HLCS: variants seen among roughly 807,000 people sequenced by gnomAD.
HLCS encodes the protein holocarboxylase synthetase, also known as biotin--protein ligase.
Under a neutral mutation model 75.0 loss-of-function variants are expected in HLCS, and 53 were observed. The ratio of observed to expected loss-of-function variants is 0.71; its 90% CI spans 0.57 to 0.89. The LOEUF is 0.89. HLCS is among the 40% of genes least tolerant of loss of function. HLCS has a pLI of 0.00. For synonymous variants in HLCS, 431 were observed against 428.6 expected (o/e 1.01, Z -0.07); for missense variants, 966 against 1,074.0 (o/e 0.90, Z 1.41).
chr21:36,779,921 C>T (rs544973727), intron 6 of HLCS, among the ~76,000 whole-genome samples: 1 of 152,094 alleles, frequency 6.6e-6, no homozygotes, highest in Non-Finnish European at 1.5e-5. Flanking sequence ...TTCCTTCTAC[C>T]TAGGTCTCCC....
At chr21:36,971,932 C>T (rs759757154) in intron 1 of HLCS, 1 of 151,754 alleles carries the variant, frequency 6.6e-6, no homozygotes, top group Non-Finnish European at 1.5e-5. Flanking sequence ...TGCTGAGTCT[C>T]GTTATTTGGT....
intron 6 of HLCS, among the ~76,000 whole-genome samples, chr21:36,819,990 A>G (rs917148483): frequency 1.3e-5 from 2 of 152,216 alleles, no homozygotes; most frequent in Admixed American, 6.5e-5. Context: ...GATAAAGTGC[A>G]CTCACAGGGC....
intron 6 of HLCS, among the ~76,000 whole-genome samples, chr21:36,874,809 C>T (rs2063904607): frequency 6.6e-6 from 1 of 152,004 alleles, no homozygotes; most frequent in African/African-American, 2.4e-5. Context: ...CCCCATGCTC[C>T]CAGGTGCAGC....
intron 6 of HLCS, among the ~76,000 whole-genome samples, chr21:36,783,896 A>G (rs1418564278): frequency 6.6e-6 from 1 of 152,168 alleles, no homozygotes; most frequent in African/African-American, 2.4e-5. Context: ...CAGGCTTCCA[A>G]CAGTGAGCAC....
At chr21:36,986,298 G>A (rs1330970619) in intron 1 of HLCS, among the ~76,000 whole-genome samples, 1 of 152,182 alleles carries the variant, frequency 6.6e-6, no homozygotes, top group East Asian at 1.9e-4. Context: ...ATACATTTCT[G>A]TTCATTATAA....
At chr21:36,851,601 A>G (rs979955406) in intron 6 of HLCS, among the ~76,000 whole-genome samples, 1 of 152,186 alleles carries the variant, frequency 6.6e-6, no homozygotes, top group South Asian at 2.1e-4. Context: ...AAAAAACCTA[A>G]TATTTGCTAG....
intron 5 of HLCS, among the ~76,000 whole-genome samples, chr21:36,927,695 T>C (rs1026405405): frequency 2.6e-5 from 4 of 152,218 alleles, no homozygotes; most frequent in Non-Finnish European, 5.9e-5. Context: ...AATGGAAAAC[T>C]ATAAAATTAT....
At chr21:36,960,259 G>A (rs2068221487) in intron 2 of HLCS, among the ~76,000 whole-genome samples, 1 of 151,906 alleles carries the variant, frequency 6.6e-6, no homozygotes, top group Admixed American at 6.6e-5. Context: ...AGGCCAAGTG[G>A]GTGGAATAAG....
At chr21:36,903,077 A>T (rs201610860) in intron 5 of HLCS, among the ~76,000 whole-genome samples, 1 of 152,202 alleles carries the variant, frequency 6.6e-6, no homozygotes, top group East Asian at 1.9e-4. Flanking sequence ...ATGCAAAATA[A>T]GGGGTGATCC....
chr21:36,790,683 G>A (rs559316899), intron 6 of HLCS, among the ~76,000 whole-genome samples: 1 of 152,258 alleles, frequency 6.6e-6, no homozygotes, highest in Admixed American at 6.5e-5. Flanking sequence ...AAACGCAAAC[G>A]GACGCAGGAA....
intron 6 of HLCS, among the ~76,000 whole-genome samples, chr21:36,856,253 T>G (rs549307569): frequency 2.0e-5 from 3 of 152,354 alleles, no homozygotes; most frequent in Admixed American, 6.5e-5. Flanking sequence ...TCAAAAAGCT[T>G]TTTTAAAGTA....
intron 5 of HLCS, among the ~76,000 whole-genome samples, chr21:36,922,685 G>C (rs1306032632): frequency 6.6e-6 from 1 of 152,112 alleles, no homozygotes; most frequent in Non-Finnish European, 1.5e-5. Flanking sequence ...AGCATCGGCC[G>C]AGCTCCAGCA....
intron 6 of HLCS, among the ~76,000 whole-genome samples, chr21:36,840,774 G>C (rs370652405): frequency 1.0e-3 from 158 of 152,066 alleles, no homozygotes; most frequent in Middle Eastern, 6.8e-3. Context: ...CACCACGCCT[G>C]GCTAATTTTT....
At chr21:36,895,354 A>G (rs2064970217) in intron 6 of HLCS, among the ~76,000 whole-genome samples, 1 of 152,200 alleles carries the variant, frequency 6.6e-6, no homozygotes, top group Non-Finnish European at 1.5e-5. Flanking sequence ...CAAGCAAGTG[A>G]TGACTGTTCC....
At chr21:36,819,236 T>G (rs2061753547) in intron 6 of HLCS, among the ~76,000 whole-genome samples, 1 of 152,212 alleles carries the variant, frequency 6.6e-6, no homozygotes, top group South Asian at 2.1e-4. Flanking sequence ...CTTAATGGGC[T>G]GAAGTTTTGC....
intron 6 of HLCS, among the ~76,000 whole-genome samples, chr21:36,888,446 AT>A (rs66651491): frequency 0.16 from 10,809 of 68,906 alleles, 1,274 homozygotes; most frequent in African/African-American, 0.22. Flanking sequence ...AAAAAAAAAA[AT>A]ATATATATAT....
intron 6 of HLCS, among the ~76,000 whole-genome samples, chr21:36,887,765 C>T (rs2064534549): frequency 6.6e-6 from 1 of 152,222 alleles, no homozygotes; most frequent in Non-Finnish European, 1.5e-5. Flanking sequence ...CCCAAGCAAT[C>T]AACTTCTTTA....
rs71198837 is a variant in HLCS at position 36,869,097 on chromosome 21, A to AATTTATTTATTT, written c.1892+27751_1892+27762dup. Among the ~76,000 whole-genome samples the AATTTATTTATTT allele has an allele frequency of 7.6e-4, 83 of 109,154 alleles. 1 individual carries two copies. In the South Asian group the frequency reaches 0.016, roughly 20 times the overall value. 71.6% of individuals were successfully genotyped at this position (109,154 alleles called of 152,430 possible). On this transcript the variant is annotated intron_variant, in intron 6 of 10. Coordinates refer to ENST00000674895, the MANE Select transcript of HLCS (RefSeq NM_001352514.2). ...TCCATGCATTAAGCAAAAGATGTTT[A>AATTTATTTATTT]ATTTATTTATTTATTTATTTATTTA... is the stretch of plus-strand genomic sequence containing the variant.
chr21:36,938,823 GTTAC>G lies in HLCS; in HGVS notation c.493+5_493+8del. ...CTGGCCAATAAAAACATTTTCTAAA[GTTAC>G]TTACACACAATCTTTTGGGGTACCA... On this transcript the variant is annotated splice_donor_5th_base_variant and intron_variant, in intron 3 of 10. Transcript: ENST00000674895. The G allele has an allele frequency of 6.2e-7, 1 of 1,613,828 alleles. No homozygotes were observed. The highest frequency in any genetic ancestry group is 8.5e-7 in the Non-Finnish European group (1 of 1,179,930).
Sources: gnomAD v4.1 joint callset for allele counts (sites outside exome capture counted in the v4.1 genomes callset) on GRCh38, gnomAD v4.1.1 for gene constraint, MANE v1.5 for transcripts, NCBI Gene and HGNC (gene_info 2026-07-23, HGNC 2026-07-21) for gene names.